FBH1: variants seen among roughly 807,000 people sequenced by gnomAD.
FBH1 encodes the protein F-box DNA helicase 1, also known as DNA 3'-5' helicase 1.
FBH1 carries 43 observed loss-of-function variants against 115.5 expected under a neutral mutation model. The observed-to-expected ratio is 0.37, with a 90% confidence interval of 0.29 to 0.48. FBH1 has a LOEUF of 0.48. Ranked by LOEUF, FBH1 falls within the 20% of genes least tolerant of loss-of-function variation. The pLI, the probability that FBH1 is intolerant of heterozygous loss-of-function variation, is 0.99. For synonymous variants in FBH1, 524 were observed against 507.8 expected (o/e 1.03, Z -0.43); for missense variants, 1,001 against 1,337.3 (o/e 0.75, Z 3.92).
In FBH1 at chr10:5,925,363, C is replaced by G; in HGVS notation, c.2597-4C>G. The G allele has an allele frequency of 1.2e-6, 2 of 1,613,622 alleles. No individual in the cohort carries two copies. The highest frequency in any genetic ancestry group is 1.7e-6 in the Non-Finnish European group (2 of 1,179,852). On this transcript the variant is annotated splice_region_variant and splice_polypyrimidine_tract_variant and intron_variant, in intron 17 of 20. Transcript: ENST00000362091. The surrounding 1 kb of genome is among the most constrained non-coding windows in gnomAD (Gnocchi z 4.6). ...ATCTAACGTGTGCTGTGTTTTTATCCTAGAGTACATTCTGGGCACTGTGCA... is the reference window on the plus strand; with the variant it reads ...ATCTAACGTGTGCTGTGTTTTTATCGTAGAGTACATTCTGGGCACTGTGCA...
In FBH1 at chr10:5,924,041, C is replaced by A. The variant is rs1265579194; in HGVS notation, c.2399-270C>A. 2 of 570,198 alleles carry A rather than the reference C, an allele frequency of 3.5e-6. No homozygotes were observed. Among genetic ancestry groups the A allele is most frequent in the African/African-American group, 3.7e-5 (2 of 53,446 alleles). The allele number at this position is 570,198 out of a possible 1,614,324, so 35.3% of individuals were successfully genotyped here. A position where few individuals can be genotyped will look rare whatever the true frequency, so the allele number is the denominator to read the frequency against. ...AGCATTTCTATAGCGCTTTTCTTTT[C>A]CTGTTGACTGCACTATTTCAAATCC... On this transcript the variant is annotated intron_variant, in intron 16 of 20. Coordinates refer to ENST00000362091, the MANE Select transcript of FBH1 (RefSeq NM_178150.3). This position sits in a 1 kb window ranked among gnomAD's most constrained non-coding sequence, Gnocchi z 6.2.
In FBH1 at chr10:5,915,506, C is replaced by T. The variant is rs772975834; in HGVS notation, c.1500C>T (p.Arg500=). ...FNKSIAKQAE[R]VFPSNVICKT... ...AGAGCATCGCAAAGCAGGCCGAACG[C>T]GTCTTCCCCAGCAACGTCATCTGCA... is the stretch of plus-strand genomic sequence containing the variant. The change falls in exon 9 of 21, where the codon CGC becomes CGT. Residue 500 remains arginine, a synonymous_variant. Transcript: ENST00000362091. This position sits in a 1 kb window ranked among gnomAD's most constrained non-coding sequence, Gnocchi z 5.2. 25 of 1,614,096 alleles carry T rather than the reference C, an allele frequency of 1.5e-5. No individual in the cohort carries two copies. The Admixed American group carries it at 2.0e-4, about 13-fold the overall frequency.
intron 1 of FBH1, among the ~76,000 whole-genome samples, chr10:5,893,117 G>A (rs1358936973): frequency 6.6e-6 from 1 of 152,154 alleles, no homozygotes; most frequent in Non-Finnish European, 1.5e-5. Flanking sequence ...ACCAGCCTGG[G>A]CAACACGGTG....
chr10:5,901,338 A>G (rs1402646959), intron 1 of FBH1, among the ~76,000 whole-genome samples: 2 of 151,820 alleles, frequency 1.3e-5, no homozygotes, highest in African/African-American at 2.4e-5. Context: ...TTCTATTTTT[A>G]ATAGAGACGG....
chr10:5,918,151 C>T lies in FBH1; in HGVS notation c.1964-191C>T, dbSNP rs543534698. Among the ~76,000 whole-genome samples, 1 of 152,240 alleles carries T rather than the reference C, an allele frequency of 6.6e-6. No homozygotes were observed. The highest frequency in any genetic ancestry group is 2.1e-4 in the South Asian group (1 of 4,826). On this transcript the variant is annotated intron_variant, in intron 12 of 20. Transcript: ENST00000362091. The surrounding 1 kb of genome is among the most constrained non-coding windows in gnomAD (Gnocchi z 4.0). The stretch of plus-strand genomic sequence containing the variant: ...GGCGAAACATAATCTGCATTCCTAG[C>T]ACCAGAAACTGTTTCTTTTGTCCAT...
intron 2 of FBH1, chr10:5,905,118 C>T (rs1843615750): frequency 6.6e-6 from 1 of 152,200 alleles, no homozygotes; most frequent in African/African-American, 2.4e-5. Context: ...GTTCACTGAA[C>T]AAACATGTAG....
intron 19 of FBH1, among the ~76,000 whole-genome samples, chr10:5,928,985 G>A (rs895502736): frequency 1.3e-5 from 2 of 152,168 alleles, no homozygotes; most frequent in African/African-American, 4.8e-5. Flanking sequence ...TGTGCTCTGG[G>A]GTTGAACCAC....
chr10:5,935,683 G>T lies in FBH1; in HGVS notation c.2830-773G>T, dbSNP rs1047698124. On this transcript the variant is annotated intron_variant, in intron 19 of 20. Transcript: ENST00000362091. The surrounding 1 kb of genome is among the most constrained non-coding windows in gnomAD (Gnocchi z 5.2). ...AAAGACCAAATAAATCAAAACGTAG[G>T]TTACAGATTGTAGAATAAGTAGATC... 6.6e-6 allele frequency: 1 copy of T among 152,222 alleles called. No homozygotes were observed. The highest frequency in any genetic ancestry group is 2.1e-4 in the South Asian group (1 of 4,834). 9.4% of individuals were successfully genotyped at this position (152,222 alleles called of 1,614,324 possible).
In FBH1 at chr10:5,937,164, C is replaced by T; in HGVS notation, c.3016C>T (p.Arg1006Cys). The T allele has an allele frequency of 3.7e-6, 6 of 1,614,000 alleles. No homozygotes were observed. The highest frequency in any genetic ancestry group is 5.1e-6 in the Non-Finnish European group (6 of 1,179,936). Residue 1006 changes from arginine (R) to cysteine (C), a missense_variant, in exon 21 of 21, where the codon CGC becomes TGC. Around this residue, in one of 4 missense-constraint regions of FBH1, gnomAD observed 521 missense variants for 811.0 expected, o/e 0.64. Transcript: ENST00000362091. Reference protein sequence around the residue: ...GYLCHSCAEQRIGPLAFLTAS... With the variant: ...GYLCHSCAEQCIGPLAFLTAS... Reference sequence around the variant, plus strand: ...CCTCTGCCACTCCTGTGCGGAGCAGCGCATCGGGCCCCTGGCGTTCCTGAC... The same window carrying T: ...CCTCTGCCACTCCTGTGCGGAGCAGTGCATCGGGCCCCTGGCGTTCCTGAC...
At chr10:5,916,704 C>CA (rs56267828) in intron 10 of FBH1, among the ~76,000 whole-genome samples, 11 of 92,988 alleles carry the variant, frequency 1.2e-4, no homozygotes, top group East Asian at 4.4e-4. Context: ...GATGGGGGAA[C>CA]GGGAAGTGTT....
At chr10:5,894,586 GA>G in intron 1 of FBH1, 2 of 780,892 alleles carry the variant, frequency 2.6e-6, no homozygotes, top group Non-Finnish European at 4.7e-6. Context: ...GAGAATATAG[GA>G]AAGAACTGCA....
intron 19 of FBH1, chr10:5,934,512 G>T (rs551899837): frequency 2.6e-5 from 4 of 152,118 alleles, no homozygotes; most frequent in African/African-American, 9.6e-5. Flanking sequence ...GAGTAGCTGG[G>T]ATTACAGGCG....
intron 1 of FBH1, among the ~76,000 whole-genome samples, chr10:5,892,187 T>A (rs79044223): frequency 0.013 from 1,917 of 152,266 alleles, 26 homozygotes; most frequent in East Asian, 0.056. Flanking sequence ...CGTGCAGACT[T>A]TTGGAGGTTG....
rs1833016331 is a variant in FBH1 at position 5,932,379 on chromosome 10, A to G, written c.2830-4077A>G. Among the ~76,000 whole-genome samples, 3 of 152,342 alleles carry G rather than the reference A, an allele frequency of 2.0e-5. No homozygotes were observed. In the South Asian group the frequency reaches 6.2e-4, roughly 32 times the overall value. The stretch of plus-strand genomic sequence containing the variant: ...TACTTTGCTTTGTCACTTAGAAGCC[A>G]TGGGAATCACTCTTTTATTTATTTT... On this transcript the variant is annotated intron_variant, in intron 19 of 20. Coordinates refer to ENST00000362091, the MANE Select transcript of FBH1 (RefSeq NM_178150.3). The surrounding 1 kb of genome is among the most constrained non-coding windows in gnomAD (Gnocchi z 5.9).
chr10:5,897,270 G>T lies in FBH1; in HGVS notation c.2-5750G>T, dbSNP rs79720904. On this transcript the variant is annotated intron_variant, in intron 1 of 20. Transcript: ENST00000362091. This position sits in a 1 kb window ranked among gnomAD's most constrained non-coding sequence, Gnocchi z 4.7. ...TATAATCCTCGTTTTCATAAGCAAG[G>T]CTTTGGCGATGAATATACCTGCCAA... Among the ~76,000 whole-genome samples, 644 of 152,274 alleles carry T rather than the reference G, an allele frequency of 4.2e-3. 5 individuals are homozygous for T. The highest frequency in any genetic ancestry group is 0.015 in the African/African-American group (608 of 41,538).
rs771249082 is a variant in FBH1 at position 5,906,586 on chromosome 10, T to C, written c.707T>C (p.Leu236Pro). ...CCGGTGGAAGACCTCTATTGGAACC[T>C]GAGCTTGGTGTGCCACTTGTGGAGG... ...FLPVEDLYWNLSLVCHLWREI... is the reference protein window; with the variant it reads ...FLPVEDLYWNPSLVCHLWREI... The change falls in exon 3 of 21, where the codon CTG (leucine) becomes CCG (proline). Residue 236 changes from leucine to proline, a missense_variant. By Grantham distance (98) the Leu-to-Pro change is moderately conservative. Coordinates refer to ENST00000362091, the MANE Select transcript of FBH1 (RefSeq NM_178150.3). The surrounding 1 kb of genome is among the most constrained non-coding windows in gnomAD (Gnocchi z 7.3). 1.2e-6 allele frequency: 2 copies of C among 1,612,634 alleles called. No individual in the cohort carries two copies. Among genetic ancestry groups the C allele is most frequent in the Non-Finnish European group, 8.5e-7 (1 of 1,179,636 alleles).
chr10:5,898,328 G>A lies in FBH1; in HGVS notation c.2-4692G>A, dbSNP rs78150267. Among the ~76,000 whole-genome samples, 125 of 152,304 alleles carry A rather than the reference G, an allele frequency of 8.2e-4. 3 individuals carry two copies. In the East Asian group the frequency reaches 0.015, roughly 18 times the overall value. ...CTCACATGGTGGCAGGAGTAAGGGAGCTCTCTGAGACCTCTCTTATAAGGG... is the reference window on the plus strand; with the variant it reads ...CTCACATGGTGGCAGGAGTAAGGGAACTCTCTGAGACCTCTCTTATAAGGG... On this transcript the variant is annotated intron_variant, in intron 1 of 20. Transcript: ENST00000362091.
chr10:5,923,829 A>G lies in FBH1; in HGVS notation c.2398+133A>G. The G allele has an allele frequency of 1.3e-6, 1 of 799,046 alleles. No individual in the cohort carries two copies. Among genetic ancestry groups the G allele is most frequent in the South Asian group, 1.7e-5 (1 of 58,558 alleles). The allele number at this position is 799,046 out of a possible 1,614,324, so 49.5% of individuals were successfully genotyped here. A position where few individuals can be genotyped will look rare whatever the true frequency, so the allele number is the denominator to read the frequency against. On this transcript the variant is annotated intron_variant, in intron 16 of 20. Coordinates refer to ENST00000362091, the MANE Select transcript of FBH1 (RefSeq NM_178150.3). This position sits in a 1 kb window ranked among gnomAD's most constrained non-coding sequence, Gnocchi z 5.7. ...GGCGAGCTAGTGTTGCTGTCTTCCC[A>G]TGACGAGGGGGGTGCCTCGGGCCTC...
rs751134519 is a variant in FBH1 at position 5,924,817 on chromosome 10, C to T, written c.2596+309C>T. The T allele has an allele frequency of 3.4e-5, 16 of 474,852 alleles. No individual in the cohort carries two copies. In the Admixed American group the frequency reaches 3.4e-4, roughly 10 times the overall value. 29.4% of individuals were successfully genotyped at this position (474,852 alleles called of 1,614,324 possible). Reference sequence around the variant, plus strand: ...CCAACCTCAGGTAATCTGCCCACCTCGACCTCCCAAAGTGCTAGAATTACA... The same window carrying T: ...CCAACCTCAGGTAATCTGCCCACCTTGACCTCCCAAAGTGCTAGAATTACA... On this transcript the variant is annotated intron_variant, in intron 17 of 20. Coordinates refer to ENST00000362091, the MANE Select transcript of FBH1 (RefSeq NM_178150.3). The surrounding 1 kb of genome is among the most constrained non-coding windows in gnomAD (Gnocchi z 6.2).
Sources: gnomAD v4.1 joint callset for allele counts (sites outside exome capture counted in the v4.1 genomes callset) on GRCh38, gnomAD v4.1.1 for gene constraint, gnomAD v4.1.1 regional missense constraint, Gnocchi (gnomAD v3.1) non-coding constraint, MANE v1.5 for transcripts, NCBI Gene and HGNC (gene_info 2026-07-23, HGNC 2026-07-21) for gene names.